The following GPAM variants were observed in gnomAD, a reference collection of about 807,000 sequenced individuals.
The protein encoded by GPAM is glycerol-3-phosphate acyltransferase 1, mitochondrial.
Under a neutral mutation model 105.0 loss-of-function variants are expected in GPAM, and 56 were observed. That is an observed-to-expected ratio of 0.53 (90% CI 0.43 to 0.67). The LOEUF is 0.67. Among genes scored for constraint, GPAM ranks in the 30% least tolerant of loss-of-function variants. The pLI, the probability that GPAM is intolerant of heterozygous loss-of-function variation, is 0.00. For synonymous variants in GPAM, 368 were observed against 354.4 expected, an observed-to-expected ratio of 1.04 and a Z score of -0.43; for missense variants, 855 against 989.8, an observed-to-expected ratio of 0.86 and a Z score of 1.83.
At chr10:112,200,423 G>C (rs1343820445) in intron 1 of GPAM, among the ~76,000 whole-genome samples, 1 of 151,708 alleles carries the variant, frequency 6.6e-6, no homozygotes, top group Admixed American at 6.6e-5. Flanking sequence ...GAGTAGCTGG[G>C]ACCACAGGTG....
Position 112,153,596 on chromosome 10 carries a change from T to C in GPAM, c.2441A>G (p.Asn814Ser). The change falls in exon 22 of 22, where the codon AAC becomes AGC. Residue 814 changes from asparagine to serine, a missense_variant. Transcript: ENST00000348367. ...AATATATTCTAGAAGTTTTTGTCGG[T>C]TGCATTGAGGTAGAAAAGTGCTGCT... ...ELSSTFLPQC[N>S]RQKLLEYILS... 1 of 1,614,070 alleles carries C rather than the reference T, an allele frequency of 6.2e-7. No individual in the cohort carries two copies. The highest frequency in any genetic ancestry group is 8.5e-7 in the Non-Finnish European group (1 of 1,179,952).
chr10:112,187,596 A>C (rs1460946656), upstream of GPAM, among the ~76,000 whole-genome samples: 1 of 152,188 alleles, frequency 6.6e-6, no homozygotes, highest in African/African-American at 2.4e-5. Flanking sequence ...AATTTTAAAA[A>C]TCTACAATTG....
chr10:112,196,618 GTTATGGT>G (rs1847727600), intron 1 of GPAM, among the ~76,000 whole-genome samples: 1 of 152,158 alleles, frequency 6.6e-6, no homozygotes, highest in Non-Finnish European at 1.5e-5. Context: ...AGCAGGATTG[GTTATGGT>G]TTTAACCACA....
At chr10:112,202,354 T>C (rs1011260441) in intron 1 of GPAM, among the ~76,000 whole-genome samples, 5 of 152,160 alleles carry the variant, frequency 3.3e-5, no homozygotes, top group Non-Finnish European at 5.9e-5. Flanking sequence ...TTGTTCTATA[T>C]ATGCTATTCT....
At position 112,168,339 on chromosome 10, in the gene GPAM, G is replaced by A. The variant is rs921663923; in HGVS notation, c.1080C>T (p.Ile360=). The change falls in exon 11 of 22, where the codon ATC becomes ATT. Residue 360 remains isoleucine (I), a synonymous_variant. Coordinates refer to ENST00000348367, the MANE Select transcript of GPAM (RefSeq NM_001244949.2). ...IPVGISYDRI[I]EGHYNGEQLG... Reference sequence around the variant, plus strand: ...GTTGTTCACCATTGTAGTGACCTTCGATAATGCGATCATAGGAGATTCCAA... The same window carrying A: ...GTTGTTCACCATTGTAGTGACCTTCAATAATGCGATCATAGGAGATTCCAA... 21 of 1,605,578 alleles carry A rather than the reference G, an allele frequency of 1.3e-5. No individual in the cohort carries two copies. Among genetic ancestry groups the A allele is most frequent in the East Asian group, 2.2e-5 (1 of 44,854 alleles).
At chr10:112,169,350 A>C (rs1463262365) in intron 9 of GPAM, among the ~76,000 whole-genome samples, 2 of 152,250 alleles carry the variant, frequency 1.3e-5, no homozygotes, top group African/African-American at 2.4e-5. Context: ...GTTTACTACA[A>C]AATGAATATG....
chr10:112,154,994 T>C (rs534855962), intron 20 of GPAM: 48 of 451,340 alleles, frequency 1.1e-4, no homozygotes, highest in Non-Finnish European at 1.1e-4. Flanking sequence ...AACATCCATT[T>C]TCCAGGACTG....
chr10:112,169,827 C>G (rs1847283330), intron 9 of GPAM, among the ~76,000 whole-genome samples: 1 of 152,158 alleles, frequency 6.6e-6, no homozygotes, highest in Admixed American at 6.5e-5. Context: ...TTGCATTACC[C>G]TCTGAGCTCC....
Position 112,175,689 on chromosome 10 carries a change from G to A in GPAM, c.324C>T (p.Arg108=), listed in dbSNP as rs373847484. 6.2e-7 allele frequency: 1 copy of A among 1,612,354 alleles called. No individual in the cohort carries two copies. Among genetic ancestry groups the A allele is most frequent in the African/African-American group, 1.3e-5 (1 of 74,864 alleles). ...HTRHRGWLAR[R]LSYVLFIQER... The stretch of plus-strand genomic sequence containing the variant: ...CTTGAATAAAAAGAACGTAAGAAAG[G>A]CGTCTTGCAAGCCATCCGCGGTGTC... The change falls in exon 6 of 22, where the codon CGC becomes CGT. Residue 108 remains arginine, a synonymous_variant. Transcript: ENST00000348367.
chr10:112,153,484 C>G lies in GPAM; in HGVS notation c.*66G>C, dbSNP rs993509139. On this transcript the variant is annotated 3_prime_UTR_variant, in exon 22 of 22. Transcript: ENST00000348367. ...TGCGATGGCACCTTCAACTCTTGAG[C>G]CAGAAGCTGGTACCTACAAGGAACT... 140 of 1,610,010 alleles carry G rather than the reference C, an allele frequency of 8.7e-5. No individual in the cohort carries two copies. The highest frequency in any genetic ancestry group is 1.1e-4 in the Non-Finnish European group (132 of 1,178,140).
intron 1 of GPAM, among the ~76,000 whole-genome samples, chr10:112,203,946 G>A (rs770197030): frequency 6.6e-6 from 1 of 152,180 alleles, no homozygotes; most frequent in Non-Finnish European, 1.5e-5. Flanking sequence ...GGAGGGTACA[G>A]CTTCAAACTC....
At chr10:112,217,945 CTTCA>C (rs1379109185), upstream of GPAM, among the ~76,000 whole-genome samples, 1 of 152,168 alleles carries the variant, frequency 6.6e-6, no homozygotes, top group Non-Finnish European at 1.5e-5. Context: ...TTTAAAAGGA[CTTCA>C]TTGTTTATGG....
chr10:112,173,058 C>T lies in GPAM; in HGVS notation c.569G>A (p.Gly190Glu). 6.3e-7 allele frequency: 1 copy of T among 1,588,636 alleles called. No homozygotes were observed. Among genetic ancestry groups the T allele is most frequent in the Non-Finnish European group, 8.6e-7 (1 of 1,156,884 alleles). ...TVSPAMIRLT[G>E]WVLLKLFNSF... ...GTTGAACAGTTTTAGCAGCACCCACCCAGTCAGTCTGAAACAAAGTACAAA... is the reference window on the plus strand; with the variant it reads ...GTTGAACAGTTTTAGCAGCACCCACTCAGTCAGTCTGAAACAAAGTACAAA... Residue 190 changes from glycine (G) to glutamate (E), a missense_variant, in exon 8 of 22, where the codon GGG (glycine) becomes GAG (glutamate). Physicochemically the swap from Gly to Glu is moderately conservative, Grantham distance 98. Coordinates refer to ENST00000348367, the MANE Select transcript of GPAM (RefSeq NM_001244949.2).
rs376846559 is a variant in GPAM at position 112,160,587 on chromosome 10, T to C, written c.1759+17A>G. On this transcript the variant is annotated intron_variant, in intron 16 of 21. Transcript: ENST00000348367. ...TTTCCATGAAAATTACTGAAAATAT[T>C]TCAAGGTCTGACATACCTATGATGG... 1.4e-5 allele frequency: 23 copies of C among 1,606,770 alleles called. No individual in the cohort carries two copies. Among genetic ancestry groups the C allele is most frequent in the Non-Finnish European group, 1.6e-5 (19 of 1,173,394 alleles).
intron 1 of GPAM, among the ~76,000 whole-genome samples, chr10:112,200,924 G>A (rs1351855915): frequency 6.6e-6 from 1 of 152,136 alleles, no homozygotes; most frequent in Non-Finnish European, 1.5e-5. Context: ...ACTGTTCAAT[G>A]AATCAGACAT....
chr10:112,210,639 G>C (rs1008028680), intron 1 of GPAM, among the ~76,000 whole-genome samples: 1 of 152,246 alleles, frequency 6.6e-6, no homozygotes, highest in Non-Finnish European at 1.5e-5. Context: ...GGAAAGGTGG[G>C]AGAGAATTGA....
the GPAM span, among the ~76,000 whole-genome samples, chr10:112,225,790 A>T: frequency 6.6e-6 from 1 of 152,156 alleles, no homozygotes; most frequent in Non-Finnish European, 1.5e-5. Flanking sequence ...TCTATCAACT[A>T]TCCCCCTCCA....
rs1846953126 is a variant in GPAM at position 112,153,296 on chromosome 10, T to C, written c.*254A>G. 1.5e-6 allele frequency: 2 copies of C among 1,327,814 alleles called. No individual in the cohort carries two copies. Among genetic ancestry groups the C allele is most frequent in the Non-Finnish European group, 1.9e-6 (2 of 1,034,496 alleles). The allele number at this position is 1,327,814 out of a possible 1,614,324, so 82.3% of individuals were successfully genotyped here. ...TCAAAAATAATTTATTGAGATTTCA[T>C]CTTGTAGTCTACGGATTATGAGTTG... On this transcript the variant is annotated 3_prime_UTR_variant, in exon 22 of 22. Transcript: ENST00000348367.
chr10:112,214,422 G>A, intron 1 of GPAM: 1 of 152,148 alleles, frequency 6.6e-6, no homozygotes, highest in East Asian at 1.9e-4. Context: ...AAACCTAACA[G>A]AGAGAATGAA....
Sources: allele counts gnomAD v4.1 joint callset (sites outside exome capture counted in the v4.1 genomes callset), GRCh38; gene constraint gnomAD v4.1.1; transcripts MANE v1.5; gene names NCBI Gene and HGNC (gene_info 2026-07-23, HGNC 2026-07-21).